Variants in CNTN1 observed in about 807,000 individuals in gnomAD.
CNTN1 encodes contactin 1.
Under a neutral mutation model 126.4 loss-of-function variants are expected in CNTN1, and 38 were observed. The ratio of observed to expected loss-of-function variants is 0.30; its 90% CI spans 0.23 to 0.39. The LOEUF (loss-of-function observed/expected upper bound fraction) is 0.39. CNTN1 is among the 10% of genes least tolerant of loss of function. The probability of loss-of-function intolerance (pLI) is 1.00; values close to 1 mark genes in which losing one functional copy is unlikely to be tolerated. For synonymous variants in CNTN1, 413 were observed against 422.6 expected, an observed-to-expected ratio of 0.98 and a Z score of 0.28; for missense variants, 1,009 against 1,248.4, an observed-to-expected ratio of 0.81 and a Z score of 2.89.
At chr12:40,858,426 A>C (rs1942994320) in intron 1 of CNTN1, among the ~76,000 whole-genome samples, 1 of 152,232 alleles carries the variant, frequency 6.6e-6, no homozygotes, top group Admixed American at 6.5e-5. Flanking sequence ...AGAGAAATGC[A>C]AATCAAAACC....
At chr12:40,700,535 AAAAAAAT>A (rs889388947) in intron 1 of CNTN1, among the ~76,000 whole-genome samples, 1 of 152,154 alleles carries the variant, frequency 6.6e-6, no homozygotes, top group African/African-American at 2.4e-5. Flanking sequence ...CAAAATAAAA[AAAAAAAT>A]AAAAAATAAA....
chr12:40,693,254 G>A (rs1186430095), intron 1 of CNTN1, among the ~76,000 whole-genome samples: 1 of 152,228 alleles, frequency 6.6e-6, no homozygotes, highest in Non-Finnish European at 1.5e-5. Context: ...GGGAGGGAGA[G>A]ACCGCGGAGC....
rs1236109061 is a variant in CNTN1, at chr12:41,015,069, G to A, written c.2184+771G>A. ...TTGAAGACTGTGGAAAAAATGACAG[G>A]TTTTATTCTTTGCATTGGTCAAATG... On this transcript the variant is annotated intron_variant, in intron 18 of 23. Coordinates refer to ENST00000551295, the MANE Select transcript of CNTN1 (RefSeq NM_001843.4). Among the ~76,000 whole-genome samples, 41 of 152,036 alleles carry A rather than the reference G, an allele frequency of 2.7e-4. 1 individual carries two copies. Among genetic ancestry groups the A allele is most frequent in the Admixed American group, 2.7e-3 (41 of 15,260 alleles).
chr12:40,967,074 G>C lies in CNTN1; in HGVS notation c.1804+7840G>C, dbSNP rs1345051. On this transcript the variant is annotated intron_variant, in intron 15 of 23. Coordinates refer to ENST00000551295, the MANE Select transcript of CNTN1 (RefSeq NM_001843.4). ...TAATCGGCCAGGGGAGGCAGAGGCA[G>C]GAGAATTGCTTGAACCCAGGGGGCG... 9.5e-3 allele frequency among the ~76,000 whole-genome samples: 1,442 copies of C among 152,126 alleles called. 20 individuals carry two copies. The highest frequency in any genetic ancestry group is 0.033 in the African/African-American group (1,366 of 41,488).
chr12:40,996,091 T>C (rs1948207050), intron 17 of CNTN1, among the ~76,000 whole-genome samples: 2 of 152,136 alleles, frequency 1.3e-5, no homozygotes, highest in African/African-American at 2.4e-5. Flanking sequence ...CCCGCATTAT[T>C]ATCTAAAAGC....
intron 21 of CNTN1, among the ~76,000 whole-genome samples, chr12:41,027,206 A>G (rs904480333): frequency 4.6e-5 from 7 of 152,214 alleles, no homozygotes; most frequent in East Asian, 1.9e-4. Flanking sequence ...AGAGAGACCT[A>G]TAGCCACATA....
intron 1 of CNTN1, among the ~76,000 whole-genome samples, chr12:40,731,010 A>G (rs1270017291): frequency 6.6e-6 from 1 of 152,144 alleles, no homozygotes; most frequent in Non-Finnish European, 1.5e-5. Flanking sequence ...TAAACTAACA[A>G]TTAAACAAAC....
At chr12:40,917,969 AC>A (rs1285535006) in intron 3 of CNTN1, among the ~76,000 whole-genome samples, 1 of 152,174 alleles carries the variant, frequency 6.6e-6, no homozygotes, top group African/African-American at 2.4e-5. Context: ...ATCAACAAAA[AC>A]TGGCTCAGAA....
intron 1 of CNTN1, among the ~76,000 whole-genome samples, chr12:40,698,006 A>T (rs7969532): frequency 0.044 from 6,734 of 152,112 alleles, 312 homozygotes; most frequent in African/African-American, 0.12. Context: ...ATAATTTTTC[A>T]CTCCTGTACT....
chr12:40,891,387 T>G (rs1377137972), intron 1 of CNTN1, among the ~76,000 whole-genome samples: 4 of 152,182 alleles, frequency 2.6e-5, no homozygotes, highest in Non-Finnish European at 5.9e-5. Flanking sequence ...TTTGCAATTC[T>G]GGTTTTCATG....
intron 1 of CNTN1, among the ~76,000 whole-genome samples, chr12:40,834,449 T>C (rs1485822814): frequency 6.6e-6 from 1 of 152,136 alleles, no homozygotes; most frequent in East Asian, 1.9e-4. Flanking sequence ...CTAGTCATGA[T>C]AGCAGATGGA....
intron 1 of CNTN1, among the ~76,000 whole-genome samples, chr12:40,770,599 G>T (rs1445785909): frequency 1.3e-5 from 2 of 152,054 alleles, no homozygotes; most frequent in Admixed American, 1.3e-4. Flanking sequence ...TTAGTAAAGG[G>T]TGTATATATA....
chr12:40,919,531 T>C (rs547871740), intron 4 of CNTN1, among the ~76,000 whole-genome samples: 50 of 152,280 alleles, frequency 3.3e-4, no homozygotes, highest in African/African-American at 1.1e-3. Flanking sequence ...AATTGGGGGC[T>C]CTAGTGTGTT....
At chr12:40,819,875 G>A (rs745559054) in intron 1 of CNTN1, among the ~76,000 whole-genome samples, 2 of 152,136 alleles carry the variant, frequency 1.3e-5, no homozygotes, top group African/African-American at 2.4e-5. Flanking sequence ...GCTGGGTATC[G>A]TGCTCACTCA....
At chr12:40,988,797 G>T (rs1430919077) in intron 16 of CNTN1, among the ~76,000 whole-genome samples, 1 of 152,030 alleles carries the variant, frequency 6.6e-6, no homozygotes, top group South Asian at 2.1e-4. Context: ...AATTTTTAAA[G>T]AACTACCCAT....
At chr12:40,959,018 CATTTT>C in intron 14 of CNTN1, 91 bp from the exon 15 acceptor site, 5 of 1,458,358 alleles carry the variant, frequency 3.4e-6, no homozygotes, top group Non-Finnish European at 4.8e-6. Flanking sequence ...AAGTGGTGTT[CATTTT>C]GTTAGGGGAA....
chr12:41,063,386 T>G (rs1356519020), intron 23 of CNTN1, among the ~76,000 whole-genome samples: 1 of 152,254 alleles, frequency 6.6e-6, no homozygotes, highest in Non-Finnish European at 1.5e-5. Context: ...ATGGGCAGAA[T>G]ATAATTCCTG....
At chr12:41,014,484 C>G (rs977913023) in intron 18 of CNTN1, among the ~76,000 whole-genome samples, 186 bp downstream of exon 18, 1 of 152,136 alleles carries the variant, frequency 6.6e-6, no homozygotes, top group Admixed American at 6.5e-5. Flanking sequence ...TAGTGTGTAG[C>G]TCCTATGCAA....
chr12:41,019,198 C>T (rs116318586), intron 19 of CNTN1, among the ~76,000 whole-genome samples: 250 of 152,266 alleles, frequency 1.6e-3, no homozygotes, highest in African/African-American at 5.1e-3. Context: ...TAACTTCACT[C>T]AGTTTTAATA....
Sources: allele counts gnomAD v4.1 joint callset (sites outside exome capture counted in the v4.1 genomes callset), GRCh38; gene constraint gnomAD v4.1.1; transcripts MANE v1.5; gene names NCBI Gene and HGNC (gene_info 2026-07-23, HGNC 2026-07-21).